Variants in DCDC1 observed in about 807,000 individuals in gnomAD.
DCDC1 encodes the protein doublecortin domain-containing protein 1.
Under a neutral mutation model 178.3 loss-of-function variants are expected in DCDC1, and 200 were observed. The observed-to-expected ratio is 1.12, with a 90% CI of 1.00 to 1.26. The LOEUF is 1.26. Ranked by LOEUF, DCDC1 falls within the 50% of genes most tolerant of loss-of-function variation. DCDC1 has a pLI of 0.00. For synonymous variants in DCDC1, 690 were observed against 604.8 expected, an observed-to-expected ratio of 1.14 and a Z score of -2.07; for missense variants, 1,983 against 1,749.2, an observed-to-expected ratio of 1.13 and a Z score of -2.38.
At chr11:30,970,710 G>T (rs1406954683) in intron 20 of DCDC1, among the ~76,000 whole-genome samples, 1 of 152,174 alleles carries the variant, frequency 6.6e-6, no homozygotes, top group African/African-American at 2.4e-5. Context: ...TTCTGCCAAT[G>T]ACAGCAATCC....
In DCDC1 at chr11:30,906,697, T is replaced by C. The variant is rs750143567; in HGVS notation, c.3947A>G (p.Lys1316Arg). 6 of 1,613,530 alleles carry C rather than the reference T, an allele frequency of 3.7e-6. No homozygotes were observed. The highest frequency in any genetic ancestry group is 5.1e-6 in the Non-Finnish European group (6 of 1,179,620). Residue 1316 changes from lysine (K) to arginine (R), a missense_variant, in exon 30 of 39, where the codon AAG becomes AGG. Lys to Arg is a conservative substitution (Grantham distance 26). Transcript: ENST00000684477. ...AGCCAAGCAGAGCATAGTTTTTCTC[T>C]TTCCATCAGGTGAGAGATAACAGTA... The part of the protein sequence containing the change: ...PGYCYLSPDG[K>R]RKTMLCLACG...
intron 9 of DCDC1, among the ~76,000 whole-genome samples, chr11:31,211,193 C>A (rs1972490629): frequency 6.6e-6 from 1 of 152,188 alleles, no homozygotes; most frequent in Admixed American, 6.5e-5. Flanking sequence ...CAGAGCTAGA[C>A]TGTATTTCTC....
At chr11:31,305,134 G>A (rs907291942) in intron 6 of DCDC1, among the ~76,000 whole-genome samples, 3 of 151,994 alleles carry the variant, frequency 2.0e-5, no homozygotes, top group Non-Finnish European at 4.4e-5. Context: ...ACGTTATTAG[G>A]AGAATCATAT....
At chr11:30,978,924 T>C (rs1950248826) in intron 20 of DCDC1, among the ~76,000 whole-genome samples, 1 of 152,136 alleles carries the variant, frequency 6.6e-6, no homozygotes, top group South Asian at 2.1e-4. Flanking sequence ...GCAATGTCTG[T>C]CTTTCTGTGC....
intron 9 of DCDC1, among the ~76,000 whole-genome samples, chr11:31,206,353 A>C (rs183283073): frequency 1.3e-5 from 2 of 152,152 alleles, no homozygotes; most frequent in East Asian, 1.9e-4. Flanking sequence ...GTTTACCCTG[A>C]ATCTATCCAA....
At position 31,264,523 on chromosome 11, in the gene DCDC1, A is replaced by C. The variant is rs567795247; in HGVS notation, c.1054+984T>G. ...CCAGCCTGCCAAGGTTTGCATCCCA[A>C]CTCCACCACTTGCTAGTTGTGTGAT... On this transcript the variant is annotated intron_variant, in intron 8 of 38. Transcript: ENST00000684477. Among the ~76,000 whole-genome samples the C allele has an allele frequency of 2.0e-5, 3 of 152,206 alleles. No individual in the cohort carries two copies. The South Asian group carries it at 6.2e-4, about 32-fold the overall frequency.
chr11:31,214,563 C>A (rs1223424225), intron 9 of DCDC1, among the ~76,000 whole-genome samples: 1 of 151,952 alleles, frequency 6.6e-6, no homozygotes, highest in Non-Finnish European at 1.5e-5. Flanking sequence ...GAGCATTATG[C>A]AGATTAGAAA....
intron 3 of DCDC1, among the ~76,000 whole-genome samples, chr11:31,326,423 GA>G (rs1161468641): frequency 6.6e-6 from 1 of 152,024 alleles, no homozygotes; most frequent in Non-Finnish European, 1.5e-5. Flanking sequence ...AATAAAAAGT[GA>G]ATGTATCACC....
intron 18 of DCDC1, among the ~76,000 whole-genome samples, chr11:31,076,419 G>A (rs1462531158): frequency 6.6e-6 from 1 of 152,084 alleles, no homozygotes; most frequent in Non-Finnish European, 1.5e-5. Flanking sequence ...CATGAACACA[G>A]CTCACTGCAG....
At chr11:31,022,340 G>A (rs765706183) in intron 20 of DCDC1, among the ~76,000 whole-genome samples, 1 of 152,086 alleles carries the variant, frequency 6.6e-6, no homozygotes, top group Non-Finnish European at 1.5e-5. Flanking sequence ...TTCCCTTTGT[G>A]TGTATCTAGC....
intron 18 of DCDC1, among the ~76,000 whole-genome samples, chr11:31,070,241 A>G (rs1326219818): frequency 6.6e-6 from 1 of 152,218 alleles, no homozygotes; most frequent in Admixed American, 6.5e-5. Context: ...CCACCAATAC[A>G]GACAATTCCT....
At chr11:31,165,635 T>C (rs1015997002) in intron 9 of DCDC1, among the ~76,000 whole-genome samples, 1 of 152,196 alleles carries the variant, frequency 6.6e-6, no homozygotes, top group African/African-American at 2.4e-5. Context: ...TAATTTAATT[T>C]TTTAGAACTT....
intron 38 of DCDC1, among the ~76,000 whole-genome samples, chr11:30,868,780 T>C (rs1310886125): frequency 1.3e-5 from 2 of 152,202 alleles, no homozygotes; most frequent in Non-Finnish European, 2.9e-5. Context: ...AAATTATTAC[T>C]ATTTCAGACA....
intron 7 of DCDC1, among the ~76,000 whole-genome samples, chr11:31,275,881 G>C (rs1215722239): frequency 6.6e-6 from 1 of 152,226 alleles, no homozygotes; most frequent in Non-Finnish European, 1.5e-5. Context: ...TCTGGCCAAT[G>C]AGACATAAGC....
intron 9 of DCDC1, among the ~76,000 whole-genome samples, chr11:31,179,691 C>T (rs1968533144): frequency 6.6e-6 from 1 of 152,134 alleles, no homozygotes; most frequent in Non-Finnish European, 1.5e-5. Context: ...GGCCTCACTG[C>T]TGAATTCCAT....
intron 20 of DCDC1, among the ~76,000 whole-genome samples, chr11:31,038,999 A>G (rs1398402765): frequency 6.6e-6 from 1 of 152,198 alleles, no homozygotes; most frequent in Non-Finnish European, 1.5e-5. Flanking sequence ...ATAAGTTTTA[A>G]TTTCATCATT....
At chr11:30,990,472 G>A (rs540092523) in intron 20 of DCDC1, among the ~76,000 whole-genome samples, 49 of 152,108 alleles carry the variant, frequency 3.2e-4, no homozygotes, top group African/African-American at 1.2e-3. Context: ...TTTATGAGTC[G>A]TGGGCTCTCA....
At chr11:31,333,793 T>C (rs1010081400) in intron 2 of DCDC1, among the ~76,000 whole-genome samples, 1 of 152,194 alleles carries the variant, frequency 6.6e-6, no homozygotes, top group African/African-American at 2.4e-5. Flanking sequence ...CCGACCTTTC[T>C]CTCTGGCTGC....
intron 9 of DCDC1, among the ~76,000 whole-genome samples, chr11:31,148,153 G>A (rs1964653164): frequency 6.9e-6 from 1 of 144,368 alleles, no homozygotes; most frequent in Non-Finnish European, 1.5e-5. Context: ...TACTGAGTCA[G>A]GACTAATTTA....
Sources: gnomAD v4.1 joint callset for allele counts (sites outside exome capture counted in the v4.1 genomes callset) on GRCh38, gnomAD v4.1.1 for gene constraint, MANE v1.5 for transcripts, NCBI Gene and HGNC (gene_info 2026-07-23, HGNC 2026-07-21) for gene names.